The following PSMD1 variants were observed in gnomAD, a reference collection of about 807,000 sequenced individuals.
The protein encoded by PSMD1 is proteasome 26S subunit, non-ATPase 1, also known as 26S proteasome non-ATPase regulatory subunit 1.
In PSMD1, 18 loss-of-function variants were observed where a neutral mutation model predicts 119.0. The ratio of observed to expected loss-of-function variants is 0.15; its 90% CI spans 0.10 to 0.22. The LOEUF is 0.22. PSMD1 is among the 10% of genes least tolerant of loss of function. The pLI is 1.00. For missense variants in PSMD1, 702 were observed against 1,158.5 expected (o/e 0.61, Z 5.72); for synonymous variants, 374 against 396.6 (o/e 0.94, Z 0.68).
chr2:231,148,183 A>G (rs1696291548), intron 18 of PSMD1, among the ~76,000 whole-genome samples: 1 of 152,188 alleles, frequency 6.6e-6, no homozygotes, highest in South Asian at 2.1e-4. Flanking sequence ...TAGCTTTTAC[A>G]TATTTTATTT....
Position 231,170,533 on chromosome 2 carries a change from A to G in PSMD1, c.2716-33A>G. On this transcript the variant is annotated intron_variant, in intron 23 of 24. Transcript: ENST00000308696. The surrounding 1 kb of genome is among the most constrained non-coding windows in gnomAD (Gnocchi z 4.1). ...GATTGTGGAGCACGCTTGAAATATG[A>G]GTGTACGCTTCTGCACGCCCCTGTG... is the stretch of plus-strand genomic sequence containing the variant. 6.5e-7 allele frequency: 1 copy of G among 1,543,336 alleles called. No homozygotes were observed. The highest frequency in any genetic ancestry group is 8.7e-7 in the Non-Finnish European group (1 of 1,146,150).
rs1326670696 is a variant in PSMD1, at chr2:231,056,931, A to C, written c.-95A>C. On this transcript the variant is annotated 5_prime_UTR_variant, in exon 1 of 25. Transcript: ENST00000308696. ...TGACTGAGCAGCGCACCCGGGGAGC[A>C]AGGAGGCGCGGTGAACTGAGCGGCC... The C allele has an allele frequency of 2.0e-6, 3 of 1,494,402 alleles. No homozygotes were observed. Among genetic ancestry groups the C allele is most frequent in the East Asian group, 2.5e-5 (1 of 39,268 alleles). 92.6% of individuals were successfully genotyped at this position (1,494,402 alleles called of 1,614,324 possible).
At chr2:231,152,878 A>G (rs1443315676) in intron 18 of PSMD1, among the ~76,000 whole-genome samples, 1 of 152,202 alleles carries the variant, frequency 6.6e-6, no homozygotes, top group Non-Finnish European at 1.5e-5. Context: ...AGGAATATTA[A>G]TTATTCATAC....
chr2:231,165,137 T>A, intron 21 of PSMD1, 63 bp from the exon 22 acceptor site: 1 of 1,323,340 alleles, frequency 7.6e-7, no homozygotes. Context: ...CTGAGTTCTC[T>A]AGGGCTTGCA....
chr2:231,093,179 A>C (rs889067793), intron 16 of PSMD1, among the ~76,000 whole-genome samples: 3 of 152,220 alleles, frequency 2.0e-5, no homozygotes, highest in Non-Finnish European at 1.5e-5. Context: ...GTAACAGGGC[A>C]AAAGAAAAGC....
intron 16 of PSMD1, among the ~76,000 whole-genome samples, chr2:231,134,234 T>C (rs1420940645): frequency 6.6e-6 from 1 of 152,216 alleles, no homozygotes; most frequent in Admixed American, 6.5e-5. Context: ...AACTAGGTTT[T>C]AAAGCCTTGG....
Position 231,114,690 on chromosome 2 carries a change from A to C in PSMD1, c.1884-24046A>C, listed in dbSNP as rs1001832223. On this transcript the variant is annotated intron_variant, in intron 16 of 24. Coordinates refer to ENST00000308696, the MANE Select transcript of PSMD1 (RefSeq NM_002807.4). ...ACTCTTATAAAACACTGCATACTTCATATAGTCTTAAGCACTTTAGAAATA... is the reference window on the plus strand; with the variant it reads ...ACTCTTATAAAACACTGCATACTTCCTATAGTCTTAAGCACTTTAGAAATA... 2.0e-5 allele frequency among the ~76,000 whole-genome samples: 3 copies of C among 152,202 alleles called. No individual in the cohort carries two copies. The East Asian group carries it at 5.8e-4, about 29-fold the overall frequency.
At chr2:231,133,864 A>G (rs967444961) in intron 16 of PSMD1, among the ~76,000 whole-genome samples, 10 of 152,354 alleles carry the variant, frequency 6.6e-5, no homozygotes, top group African/African-American at 2.4e-4. Context: ...AGGAATTCAT[A>G]TGTGCAGTTT....
At chr2:231,139,468 C>T (rs544174764) in intron 17 of PSMD1, among the ~76,000 whole-genome samples, 14 of 145,884 alleles carry the variant, frequency 9.6e-5, no homozygotes, top group African/African-American at 3.6e-4. Context: ...GCTGGTCTCA[C>T]ATTCCTGGGA....
chr2:231,087,119 A>G lies in PSMD1; in HGVS notation c.1821A>G (p.Val607=), dbSNP rs141306258. The G allele has an allele frequency of 5.3e-4, 850 of 1,613,388 alleles. No individual in the cohort carries two copies. The highest frequency in any genetic ancestry group is 6.8e-4 in the Non-Finnish European group (799 of 1,179,530). The change falls in exon 16 of 25, where the codon GTA becomes GTG. Residue 607 remains valine, a splice_region_variant and synonymous_variant. Coordinates refer to ENST00000308696, the MANE Select transcript of PSMD1 (RefSeq NM_002807.4). ...KAIRRLLHVA[V]SDVNDDVRRA... The stretch of plus-strand genomic sequence containing the variant: ...TAATCTTAAACTTTTCCCCCTAGGT[A>G]AGTGATGTTAATGATGATGTCAGGA...
rs750014626 is a variant in PSMD1 at position 231,067,101 on chromosome 2, T to C, written c.500T>C (p.Ile167Thr). Residue 167 changes from isoleucine to threonine, a missense_variant, in exon 5 of 25, where the codon ATA (isoleucine) becomes ACA (threonine). Around this residue, in one of 9 missense-constraint regions of PSMD1, gnomAD observed 58 missense variants for 54.0 expected, o/e 1.07. Coordinates refer to ENST00000308696, the MANE Select transcript of PSMD1 (RefSeq NM_002807.4). ...AGACTGGACGTCTTTGAAAAGACCA[T>C]ACTGGAGTCGGTAGGTAGATGATGT... ...TRRLDVFEKT[I>T]LESNDVPGML... 25 of 1,594,128 alleles carry C rather than the reference T, an allele frequency of 1.6e-5. No homozygotes were observed. The highest frequency in any genetic ancestry group is 6.9e-5 in the South Asian group (6 of 87,084).
intron 5 of PSMD1, among the ~76,000 whole-genome samples, chr2:231,067,434 G>A (rs1485322876): frequency 6.6e-6 from 1 of 152,150 alleles, no homozygotes; most frequent in Non-Finnish European, 1.5e-5. Context: ...CTAGATTCCT[G>A]GTTTGCGGTG....
rs113687580 is a variant in PSMD1, at chr2:231,128,352, C to T, written c.1884-10384C>T. On this transcript the variant is annotated intron_variant, in intron 16 of 24. Coordinates refer to ENST00000308696, the MANE Select transcript of PSMD1 (RefSeq NM_002807.4). ...TAGAACTAAGACTAGCTCACTTCAA[C>T]AGGACCTACAGTGGAGTTCAAATAT... is the stretch of plus-strand genomic sequence containing the variant. 4.7e-3 allele frequency among the ~76,000 whole-genome samples: 717 copies of T among 152,346 alleles called. 6 individuals are homozygous for T. The highest frequency in any genetic ancestry group is 0.017 in the African/African-American group (695 of 41,570).
intron 19 of PSMD1, 108 bp from the exon 20 acceptor site, chr2:231,161,232 T>C (rs1453600206): frequency 2.7e-6 from 3 of 1,104,140 alleles, no homozygotes; most frequent in Non-Finnish European, 3.8e-6. Flanking sequence ...TGAGACCCTA[T>C]CTCTTTAAAA....
intron 8 of PSMD1, 34 bp downstream of exon 8, chr2:231,075,605 G>C: frequency 1.3e-6 from 2 of 1,588,026 alleles, no homozygotes; most frequent in Non-Finnish European, 1.7e-6. Flanking sequence ...TTTGAGACAG[G>C]GTCCTGATCT....
intron 16 of PSMD1, among the ~76,000 whole-genome samples, chr2:231,134,612 T>G (rs1205590820): frequency 6.6e-6 from 1 of 152,204 alleles, no homozygotes; most frequent in African/African-American, 2.4e-5. Context: ...TCTAGTGTTA[T>G]CTTCATTATT....
chr2:231,074,431 G>A (rs770469205), intron 7 of PSMD1, among the ~76,000 whole-genome samples: 69 of 152,148 alleles, frequency 4.5e-4, no homozygotes, highest in Middle Eastern at 3.4e-3. Context: ...GATTTAACAA[G>A]TTTTCTTTCT....
At chr2:231,150,295 C>T (rs966599113) in intron 18 of PSMD1, among the ~76,000 whole-genome samples, 7 of 150,812 alleles carry the variant, frequency 4.6e-5, no homozygotes, top group East Asian at 2.0e-4. Flanking sequence ...TGCAGTGAGC[C>T]GAGATCACAC....
At chr2:231,147,290 C>G (rs964162889) in intron 18 of PSMD1, among the ~76,000 whole-genome samples, 3 of 152,166 alleles carry the variant, frequency 2.0e-5, no homozygotes, top group Admixed American at 6.5e-5. Context: ...CCCAGGAGTT[C>G]AAGGCTAGCC....
Sources: gnomAD v4.1 joint callset for allele counts (sites outside exome capture counted in the v4.1 genomes callset) on GRCh38, gnomAD v4.1.1 for gene constraint, gnomAD v4.1.1 regional missense constraint, Gnocchi (gnomAD v3.1) non-coding constraint, MANE v1.5 for transcripts, NCBI Gene and HGNC (gene_info 2026-07-23, HGNC 2026-07-21) for gene names.